CECR2: variants seen among roughly 807,000 people sequenced by gnomAD.
CECR2 encodes the protein chromatin remodeling regulator CECR2.
In CECR2, 30 loss-of-function variants were observed where a neutral mutation model predicts 154.5. That is an observed-to-expected ratio of 0.19 (90% CI 0.15 to 0.26). The LOEUF (loss-of-function observed/expected upper bound fraction) is 0.26. Ranked by LOEUF, CECR2 falls within the 10% of genes least tolerant of loss-of-function variation. The probability of loss-of-function intolerance (pLI) is 1.00; values close to 1 mark genes in which losing one functional copy is unlikely to be tolerated. For missense variants in CECR2, 1,743 were observed against 1,829.3 expected, an observed-to-expected ratio of 0.95 and a Z score of 0.86; for synonymous variants, 725 against 683.7, an observed-to-expected ratio of 1.06 and a Z score of -0.94.
chr22:17,543,047 T>C lies in CECR2; in HGVS notation c.2860+44T>C, dbSNP rs1056367878. On this transcript the variant is annotated intron_variant, in intron 16 of 18. Transcript: ENST00000262608. The stretch of plus-strand genomic sequence containing the variant: ...TTGGGCTCTTTAAGCTCTTGTTTCA[T>C]GAGTAATCTTTTTACACAGCATATC... 1.9e-6 allele frequency: 3 copies of C among 1,538,896 alleles called. No individual in the cohort carries two copies. In the Admixed American group the frequency reaches 6.2e-5, roughly 32 times the overall value.
At chr22:17,521,035 G>A (rs1457650883) in intron 8 of CECR2, among the ~76,000 whole-genome samples, 1 of 152,118 alleles carries the variant, frequency 6.6e-6, no homozygotes, top group African/African-American at 2.4e-5. Flanking sequence ...CCCAATGGTT[G>A]AACCAGTTTA....
At chr22:17,412,657 T>G (rs1198045912) in intron 1 of CECR2, among the ~76,000 whole-genome samples, 3 of 152,022 alleles carry the variant, frequency 2.0e-5, no homozygotes, top group Admixed American at 2.0e-4. Context: ...TAAAGGAAAA[T>G]TAGGACTTCG....
At chr22:17,384,744 A>G (rs2063239166) in intron 1 of CECR2, among the ~76,000 whole-genome samples, 2 of 152,208 alleles carry the variant, frequency 1.3e-5, no homozygotes, top group African/African-American at 2.4e-5. Flanking sequence ...ACTGGCTTCC[A>G]GTAAGTCACC....
At chr22:17,512,102 C>A (rs1481904209) in intron 8 of CECR2, among the ~76,000 whole-genome samples, 2 of 152,096 alleles carry the variant, frequency 1.3e-5, no homozygotes, top group Non-Finnish European at 2.9e-5. Context: ...CTGACAATCT[C>A]CTGGGATGGT....
At chr22:17,410,721 C>T (rs1175198404) in intron 1 of CECR2, among the ~76,000 whole-genome samples, 1 of 152,210 alleles carries the variant, frequency 6.6e-6, no homozygotes, top group Non-Finnish European at 1.5e-5. Flanking sequence ...GGTAATATTA[C>T]AGGCATGAGT....
intron 1 of CECR2, chr22:17,477,143 G>C: frequency 1.4e-6 from 1 of 725,692 alleles, no homozygotes; most frequent in Non-Finnish European, 2.6e-6. Flanking sequence ...GTTGCAGATG[G>C]TTTATCTCTT....
intron 8 of CECR2, among the ~76,000 whole-genome samples, chr22:17,512,844 G>A (rs1369928477): frequency 3.3e-5 from 5 of 152,098 alleles, no homozygotes; most frequent in Admixed American, 6.6e-5. Flanking sequence ...TGGCTGATCT[G>A]TGGGGAGATG....
At chr22:17,384,225 G>A (rs2063233930) in intron 1 of CECR2, among the ~76,000 whole-genome samples, 1 of 152,072 alleles carries the variant, frequency 6.6e-6, no homozygotes, top group Non-Finnish European at 1.5e-5. Context: ...CACTATCTAT[G>A]GCAGCTATTG....
intron 1 of CECR2, among the ~76,000 whole-genome samples, chr22:17,432,396 T>G (rs1180042662): frequency 6.6e-6 from 1 of 152,260 alleles, no homozygotes; most frequent in Non-Finnish European, 1.5e-5. Flanking sequence ...TTGGGTTGTT[T>G]CTACTTTTTG....
intron 1 of CECR2, among the ~76,000 whole-genome samples, chr22:17,394,046 C>T (rs2053770040): frequency 6.6e-6 from 1 of 151,724 alleles, no homozygotes; most frequent in Non-Finnish European, 1.5e-5. Context: ...CAGCACCAGG[C>T]CTGGCTAATT....
intron 6 of CECR2, 97 bp downstream of exon 6, chr22:17,503,228 T>C: frequency 1.8e-5 from 20 of 1,126,698 alleles, no homozygotes; most frequent in Non-Finnish European, 2.3e-5. Context: ...AAAGTAAAGG[T>C]TATTGCAATA....
intron 4 of CECR2, among the ~76,000 whole-genome samples, chr22:17,499,877 A>G (rs1186577989): frequency 6.6e-6 from 1 of 152,196 alleles, no homozygotes; most frequent in Non-Finnish European, 1.5e-5. Context: ...TTCATCTTGC[A>G]TCATCAGTCC....
rs749059089 is a variant in CECR2, at chr22:17,542,870, C to A, written c.2727C>A (p.His909Gln). 1.9e-6 allele frequency: 3 copies of A among 1,613,920 alleles called. No individual in the cohort carries two copies. Among genetic ancestry groups the A allele is most frequent in the Admixed American group, 3.3e-5 (2 of 60,012 alleles). ...CTTACCACCCCCACCAGCCTGCACA[C>A]CCCCGTTTACCTGGCCCTTTTCCGC... is the stretch of plus-strand genomic sequence containing the variant. Reference protein sequence around the residue: ...GVPYHPHQPAHPRLPGPFPQV... With the variant: ...GVPYHPHQPAQPRLPGPFPQV... Residue 909 changes from histidine (H) to glutamine (Q), a missense_variant, in exon 16 of 19, where the codon CAC becomes CAA. His to Gln is a conservative substitution (Grantham distance 24). Around this residue, in one of 4 missense-constraint regions of CECR2, gnomAD observed 1,250 missense variants for 1,192.1 expected, o/e 1.05. Coordinates refer to ENST00000262608, the MANE Select transcript of CECR2 (RefSeq NM_001290047.2).
rs182529065 is a variant in CECR2 at position 17,466,414 on chromosome 22, A to G, written c.127-11174A>G. ...CTTTCTAAGCATTTGGATTCAAGGT[A>G]ACTCTATTTTGTGAGAGAGAATTAC... On this transcript the variant is annotated intron_variant, in intron 1 of 18. Transcript: ENST00000262608. 9.8e-5 allele frequency among the ~76,000 whole-genome samples: 15 copies of G among 152,326 alleles called. No homozygotes were observed. In the East Asian group the frequency reaches 2.7e-3, roughly 27 times the overall value.
At chr22:17,377,142 C>T (rs1454475141) in intron 1 of CECR2, among the ~76,000 whole-genome samples, 3 of 152,170 alleles carry the variant, frequency 2.0e-5, no homozygotes, top group Admixed American at 6.5e-5. Flanking sequence ...TAGAAAATTG[C>T]TGACTCACCA....
intron 2 of CECR2, among the ~76,000 whole-genome samples, chr22:17,493,719 G>A (rs531514335): frequency 1.4e-4 from 21 of 152,354 alleles, no homozygotes; most frequent in Admixed American, 9.1e-4. Flanking sequence ...AATTGTTTGA[G>A]ACAAGTAAGG....
chr22:17,405,625 G>A (rs1441132038), intron 1 of CECR2, among the ~76,000 whole-genome samples: 2 of 117,604 alleles, frequency 1.7e-5, no homozygotes, highest in Non-Finnish European at 3.4e-5. Context: ...GGGCAAAAGA[G>A]TGAGACTCCA....
rs376303986 is a variant in CECR2, at chr22:17,541,887, G to A, written c.1933G>A (p.Ala645Thr). The change falls in exon 15 of 19, where the codon GCC becomes ACC. Residue 645 changes from alanine to threonine, a missense_variant. By Grantham distance (58) the Ala-to-Thr change is moderately conservative. Coordinates refer to ENST00000262608, the MANE Select transcript of CECR2 (RefSeq NM_001290047.2). Reference protein sequence around the residue: ...TFGPLRGSDPATLYGSSGVPE... With the variant: ...TFGPLRGSDPTTLYGSSGVPE... ...TGGCCCTCTGCGAGGATCAGATCCT[G>A]CCACCTTGTATGGCTCCTCTGGAGT... 19 of 1,613,872 alleles carry A rather than the reference G, an allele frequency of 1.2e-5. No homozygotes were observed. Among genetic ancestry groups the A allele is most frequent in the African/African-American group, 4.0e-5 (3 of 74,924 alleles).
intron 1 of CECR2, among the ~76,000 whole-genome samples, chr22:17,456,114 A>G (rs138732698): frequency 2.0e-4 from 30 of 151,460 alleles, no homozygotes; most frequent in Admixed American, 1.1e-3. Flanking sequence ...CCTCACCCCT[A>G]CATGTTTAGT....
Sources: gnomAD v4.1 joint callset for allele counts (sites outside exome capture counted in the v4.1 genomes callset) on GRCh38, gnomAD v4.1.1 for gene constraint, gnomAD v4.1.1 regional missense constraint, MANE v1.5 for transcripts, NCBI Gene and HGNC (gene_info 2026-07-23, HGNC 2026-07-21) for gene names.